The following FAM107B variants were observed in gnomAD, a reference collection of about 807,000 sequenced individuals.
FAM107B encodes the protein family with sequence similarity 107 member B.
Under a neutral mutation model 31.5 loss-of-function variants are expected in FAM107B, and 21 were observed. That is an observed-to-expected ratio of 0.67 (90% CI 0.47 to 0.96). The LOEUF (loss-of-function observed/expected upper bound fraction) is 0.96. Among genes scored for constraint, FAM107B ranks in the 40% least tolerant of loss-of-function variants. FAM107B has a pLI of 0.00. For missense variants in FAM107B, 452 were observed against 377.1 expected, an observed-to-expected ratio of 1.20 and a Z score of -1.64; for synonymous variants, 157 against 141.5, an observed-to-expected ratio of 1.11 and a Z score of -0.78.
intron 2 of FAM107B, among the ~76,000 whole-genome samples, chr10:14,629,233 T>A (rs1376632453): frequency 1.0e-5 from 1 of 95,680 alleles, no homozygotes; most frequent in East Asian, 5.1e-4. Flanking sequence ...ATACATGTTA[T>A]AAAAATATAA....
intron 2 of FAM107B, chr10:14,542,768 C>T (rs1025001533): frequency 1.2e-4 from 19 of 152,164 alleles, no homozygotes; most frequent in Non-Finnish European, 1.6e-4. Flanking sequence ...AACAGACGTG[C>T]TTTTAAGATG....
intron 1 of FAM107B, among the ~76,000 whole-genome samples, chr10:14,670,370 T>G (rs1430142089): frequency 6.6e-6 from 1 of 152,224 alleles, no homozygotes; most frequent in Non-Finnish European, 1.5e-5. Flanking sequence ...AATTACATAT[T>G]TGAAGTGGGT....
intron 2 of FAM107B, among the ~76,000 whole-genome samples, chr10:14,619,149 T>C (rs1399251195): frequency 6.6e-6 from 1 of 152,208 alleles, no homozygotes; most frequent in Non-Finnish European, 1.5e-5. Context: ...CCAACACTTG[T>C]AGCCACCAGA....
At chr10:14,637,310 T>TGTA (rs1276880588) in intron 2 of FAM107B, among the ~76,000 whole-genome samples, 1 of 152,064 alleles carries the variant, frequency 6.6e-6, no homozygotes, top group Admixed American at 6.6e-5. Flanking sequence ...TCCTCTTGAG[T>TGTA]GTAGGCAGGA....
intron 1 of FAM107B, among the ~76,000 whole-genome samples, chr10:14,733,337 C>A (rs1856217946): frequency 6.6e-6 from 1 of 152,044 alleles, no homozygotes. Flanking sequence ...TCACATTTTA[C>A]TTCAATTTTG....
intron 1 of FAM107B, among the ~76,000 whole-genome samples, chr10:14,703,228 T>C (rs1855442957): frequency 6.6e-6 from 1 of 152,134 alleles, no homozygotes; most frequent in Admixed American, 6.5e-5. Flanking sequence ...TGTCAGTTGA[T>C]TTTTCAATGA....
At chr10:14,538,970 T>G (rs1260854007) in intron 2 of FAM107B, among the ~76,000 whole-genome samples, 1 of 152,176 alleles carries the variant, frequency 6.6e-6, no homozygotes, top group Non-Finnish European at 1.5e-5. Flanking sequence ...ATATGCAGAG[T>G]TGGTCTCAGC....
intron 2 of FAM107B, among the ~76,000 whole-genome samples, chr10:14,645,744 AT>A (rs1051185034): frequency 6.6e-6 from 1 of 151,998 alleles, no homozygotes; most frequent in Non-Finnish European, 1.5e-5. Context: ...GATTTATTTT[AT>A]TTTTTTTACT....
intron 2 of FAM107B, among the ~76,000 whole-genome samples, chr10:14,615,038 G>A (rs1238021713): frequency 6.6e-6 from 1 of 152,102 alleles, no homozygotes; most frequent in African/African-American, 2.4e-5. Flanking sequence ...TTTTAAAAAT[G>A]GCAGAAACTG....
chr10:14,550,886 G>A (rs950399821), intron 2 of FAM107B, among the ~76,000 whole-genome samples: 2 of 152,170 alleles, frequency 1.3e-5, no homozygotes, highest in Non-Finnish European at 2.9e-5. Context: ...GTCTTTTACT[G>A]ACAGCTGGTT....
Position 14,567,156 on chromosome 10 carries a change from T to TTAAA in FAM107B, c.470-36645_470-36642dup, listed in dbSNP as rs966253157. Among the ~76,000 whole-genome samples the TTAAA allele has an allele frequency of 2.2e-4, 33 of 152,054 alleles. No homozygotes were observed. The South Asian group carries it at 2.3e-3, about 11-fold the overall frequency. ...TGACAGAGCGAGACTCTGTCTCAAA[T>TTAAA]TAAATAAATAAATAAATAAAAATAA... On this transcript the variant is annotated intron_variant, in intron 2 of 4. Coordinates refer to ENST00000181796, the MANE Select transcript of FAM107B (RefSeq NM_031453.4).
intron 2 of FAM107B, chr10:14,661,606 C>T (rs972456402): frequency 5.3e-5 from 8 of 152,294 alleles, no homozygotes; most frequent in South Asian, 4.1e-4. Context: ...TCTTGGATCT[C>T]GAGTCTGTAG....
At chr10:14,685,474 A>C (rs1854961894) in intron 1 of FAM107B, among the ~76,000 whole-genome samples, 1 of 152,178 alleles carries the variant, frequency 6.6e-6, no homozygotes, top group South Asian at 2.1e-4. Flanking sequence ...TATGGTGGAC[A>C]GAGTAGGTGT....
intron 1 of FAM107B, among the ~76,000 whole-genome samples, chr10:14,685,137 C>CTTTTA (rs111927334): frequency 2.0e-5 from 3 of 146,408 alleles, no homozygotes; most frequent in African/African-American, 7.6e-5. Flanking sequence ...CAATAACATC[C>CTTTTA]TTTTATTTTT....
At chr10:14,696,574 T>C (rs1012306958) in intron 1 of FAM107B, among the ~76,000 whole-genome samples, 1 of 152,168 alleles carries the variant, frequency 6.6e-6, no homozygotes, top group Non-Finnish European at 1.5e-5. Context: ...TAAGAAGTAT[T>C]GGTATAAATT....
chr10:14,748,526 C>T (rs939602759), intron 1 of FAM107B, among the ~76,000 whole-genome samples: 2 of 152,220 alleles, frequency 1.3e-5, no homozygotes, highest in African/African-American at 4.8e-5. Context: ...GGTATGTCCC[C>T]ACCCCAAGAC....
chr10:14,570,233 G>GGGGGGGTGT (rs1554835078), intron 2 of FAM107B, among the ~76,000 whole-genome samples: 1 of 140,340 alleles, frequency 7.1e-6, no homozygotes, highest in African/African-American at 2.7e-5. Flanking sequence ...AAATGTGGTG[G>GGGGGGGTGT]GTGTGTGTGT....
chr10:14,715,650 G>A (rs888824197), intron 1 of FAM107B, among the ~76,000 whole-genome samples: 1 of 152,188 alleles, frequency 6.6e-6, no homozygotes, highest in African/African-American at 2.4e-5. Context: ...TCTATTGAGG[G>A]CGTGAATAGA....
At chr10:14,521,477 A>C (rs1483580450) in intron 4 of FAM107B, among the ~76,000 whole-genome samples, 171 bp from the exon 5 acceptor site, 3 of 152,218 alleles carry the variant, frequency 2.0e-5, no homozygotes. Context: ...TTGTGCACAG[A>C]AACAGAAGCC....
Sources: allele counts gnomAD v4.1 joint callset (sites outside exome capture counted in the v4.1 genomes callset), GRCh38; gene constraint gnomAD v4.1.1; transcripts MANE v1.5; gene names NCBI Gene and HGNC (gene_info 2026-07-23, HGNC 2026-07-21).